BDH1: variants seen among roughly 807,000 people sequenced by gnomAD.
The protein encoded by BDH1 is 3-hydroxybutyrate dehydrogenase 1.
In BDH1, 30 loss-of-function variants were observed where a neutral mutation model predicts 33.1. That is an observed-to-expected ratio of 0.91 (90% CI 0.68 to 1.23). BDH1 has a LOEUF of 1.23. Ranked by LOEUF, BDH1 falls within the 50% of genes most tolerant of loss-of-function variation. BDH1 has a pLI of 0.00. For synonymous variants in BDH1, 190 were observed against 183.6 expected, an observed-to-expected ratio of 1.03 and a Z score of -0.28; for missense variants, 443 against 464.4, an observed-to-expected ratio of 0.95 and a Z score of 0.42.
chr3:197,541,152 A>C (rs1327060948), intron 3 of BDH1, among the ~76,000 whole-genome samples: 2 of 152,168 alleles, frequency 1.3e-5, no homozygotes, highest in Non-Finnish European at 2.9e-5. Context: ...GGAAGACCTT[A>C]CTGCCTCAGC....
intron 6 of BDH1, chr3:197,515,345 T>G: frequency 1.0e-6 from 1 of 985,692 alleles, no homozygotes; most frequent in African/African-American, 1.7e-5. Flanking sequence ...GTCTCCCTGC[T>G]CTAGGTCTCA....
intron 2 of BDH1, among the ~76,000 whole-genome samples, chr3:197,553,527 C>CAAA (rs750811753): frequency 4.1e-5 from 4 of 97,086 alleles, no homozygotes; most frequent in East Asian, 3.4e-4. Flanking sequence ...GACTCTGTCT[C>CAAA]AAAAAAAAAA....
In BDH1 at chr3:197,530,370, A is replaced by G. The variant is rs1714525906; in HGVS notation, c.267+2042T>C. ...ATCTCACTCCCAAGGAATTTACTCT[A>G]AAGATAACCAGTCTGACCAACATGG... is the stretch of plus-strand genomic sequence containing the variant. On this transcript the variant is annotated intron_variant, in intron 5 of 7. Coordinates refer to ENST00000392379, the MANE Select transcript of BDH1 (RefSeq NM_203314.3). The G allele has an allele frequency of 1.3e-5, 2 of 152,118 alleles. 1 individual carries two copies. Among genetic ancestry groups the G allele is most frequent in the South Asian group, 4.1e-4 (2 of 4,826 alleles). 9.4% of individuals were successfully genotyped at this position (152,118 alleles called of 1,614,324 possible).
At chr3:197,537,908 G>A (rs1715293230) in intron 3 of BDH1, among the ~76,000 whole-genome samples, 1 of 152,128 alleles carries the variant, frequency 6.6e-6, no homozygotes, top group Non-Finnish European at 1.5e-5. Context: ...GCAAATTTTT[G>A]TTGGGGCTTT....
chr3:197,542,521 CTTTT>C (rs71164295), intron 3 of BDH1, among the ~76,000 whole-genome samples: 1 of 106,436 alleles, frequency 9.4e-6, no homozygotes, highest in African/African-American at 4.3e-5. Flanking sequence ...TTCTTGCTTG[CTTTT>C]TTTTTTTTTT....
In BDH1 at chr3:197,510,599, G is replaced by GTGTGTGTGTGTGTGTGTGT. The variant is rs869271269; in HGVS notation, c.*1295_*1296insACACACACACACACACACA. ...CCACGCTGAAGCCCTGCAGAACAGG[G>GTGTGTGTGTGTGTGTGTGT]GTGTGTGTGTGTGTGTGTGTGTGTG... On this transcript the variant is annotated 3_prime_UTR_variant, in exon 8 of 8. Coordinates refer to ENST00000392379, the MANE Select transcript of BDH1 (RefSeq NM_203314.3). 67 of 75,374 alleles carry GTGTGTGTGTGTGTGTGTGT rather than the reference G, an allele frequency of 8.9e-4. 4 individuals carry two copies. Among genetic ancestry groups the GTGTGTGTGTGTGTGTGTGT allele is most frequent in the South Asian group, 1.2e-3 (2 of 1,632 alleles). The allele number at this position is 75,374 out of a possible 1,614,324, so 4.7% of individuals were successfully genotyped here.
At chr3:197,532,338 A>G (rs1714740606) in intron 5 of BDH1, 74 bp downstream of exon 5, 2 of 1,326,792 alleles carry the variant, frequency 1.5e-6, no homozygotes, top group Admixed American at 3.6e-5. Flanking sequence ...TTGTTAGGAA[A>G]GCACTTTTTA....
chr3:197,519,099 G>C (rs988961029), intron 6 of BDH1, among the ~76,000 whole-genome samples: 5 of 142,668 alleles, frequency 3.5e-5, no homozygotes, highest in African/African-American at 5.2e-5. Context: ...TCCTCAGGTG[G>C]ATCCCCCCAT....
At position 197,512,203 on chromosome 3, in the gene BDH1, T is replaced by A. The variant is rs2108695398; in HGVS notation, c.724A>T (p.Ile242Phe). Reference protein sequence around the residue: ...KVSVVEPGNFIAATSLYSPES... With the variant: ...KVSVVEPGNFFAATSLYSPES... ...GGGCTGTAAAGGCTGGTGGCAGCGA[T>A]GAAGTTGCCGGGCTCCACCACGCTG... is the stretch of plus-strand genomic sequence containing the variant. The change falls in exon 8 of 8, where the codon ATC (isoleucine) becomes TTC (phenylalanine). Residue 242 changes from isoleucine to phenylalanine, a missense_variant. Transcript: ENST00000392379. 6.2e-7 allele frequency: 1 copy of A among 1,614,024 alleles called. No homozygotes were observed. Among genetic ancestry groups the A allele is most frequent in the Non-Finnish European group, 8.5e-7 (1 of 1,180,008 alleles).
chr3:197,549,764 T>C (rs1382967668), intron 2 of BDH1, among the ~76,000 whole-genome samples: 3 of 152,208 alleles, frequency 2.0e-5, no homozygotes, highest in Non-Finnish European at 4.4e-5. Flanking sequence ...CTAAACATGT[T>C]CTACTTGGCT....
Position 197,521,901 on chromosome 3 carries a change from G to A in BDH1, c.409+739C>T, listed in dbSNP as rs1230020464. ...AGATTCACAAGTCTCACAATGACCA[G>A]GCCATTCCCTCAGGATGACCCCTTC... is the stretch of plus-strand genomic sequence containing the variant. On this transcript the variant is annotated intron_variant, in intron 6 of 7. Transcript: ENST00000392379. This position sits in a 1 kb window ranked among gnomAD's most constrained non-coding sequence, Gnocchi z 4.9. Among the ~76,000 whole-genome samples, 1 of 152,156 alleles carries A rather than the reference G, an allele frequency of 6.6e-6. No individual in the cohort carries two copies. Among genetic ancestry groups the A allele is most frequent in the Non-Finnish European group, 1.5e-5 (1 of 68,036 alleles).
At chr3:197,519,900 C>T in intron 6 of BDH1, among the ~76,000 whole-genome samples, 1 of 152,154 alleles carries the variant, frequency 6.6e-6, no homozygotes, top group East Asian at 1.9e-4. Context: ...CATCTCGCCC[C>T]CGTGGCTGGC....
At chr3:197,515,743 G>A in intron 6 of BDH1, 1 of 978,862 alleles carries the variant, frequency 1.0e-6, no homozygotes, top group Non-Finnish European at 1.2e-6. Context: ...ACTCTATCCT[G>A]TAATACAAAG....
chr3:197,561,178 C>T (rs1019106268), intron 1 of BDH1, among the ~76,000 whole-genome samples: 1 of 152,114 alleles, frequency 6.6e-6, no homozygotes, highest in Admixed American at 6.5e-5. Flanking sequence ...GGAGATGCCC[C>T]TGACCTTTGA....
intron 2 of BDH1, among the ~76,000 whole-genome samples, chr3:197,549,980 T>C (rs551565776): frequency 2.0e-5 from 3 of 151,318 alleles, no homozygotes; most frequent in Non-Finnish European, 4.4e-5. Flanking sequence ...AACTATTATA[T>C]ATATATTTGG....
rs1234610298 is a variant in BDH1 at position 197,514,463 on chromosome 3, C to T, written c.410-47G>A. ...GTGCATTTACCACATGGGCTTGGCC[C>T]AGACATTGCCCATCAGCCTGCAGGC... On this transcript the variant is annotated intron_variant, in intron 6 of 7. Transcript: ENST00000392379. This position sits in a 1 kb window ranked among gnomAD's most constrained non-coding sequence, Gnocchi z 4.2. The T allele has an allele frequency of 2.0e-6, 3 of 1,507,096 alleles. No individual in the cohort carries two copies. In the Admixed American group the frequency reaches 6.2e-5, roughly 31 times the overall value. 93.4% of individuals were successfully genotyped at this position (1,507,096 alleles called of 1,614,324 possible). A position where few individuals can be genotyped will look rare whatever the true frequency, so the allele number is the denominator to read the frequency against.
intron 4 of BDH1, 138 bp downstream of exon 4, chr3:197,533,351 G>A (rs1006064480): frequency 2.4e-6 from 2 of 829,744 alleles, no homozygotes; most frequent in African/African-American, 3.4e-5. Context: ...GGCTTTGGGG[G>A]AGGGTTAAGT....
intron 2 of BDH1, among the ~76,000 whole-genome samples, chr3:197,553,945 T>C (rs1445450159): frequency 1.3e-5 from 2 of 152,186 alleles, no homozygotes; most frequent in African/African-American, 2.4e-5. Flanking sequence ...TAAGCAGCCT[T>C]TCTATTCACA....
chr3:197,541,856 C>T (rs1220380394), intron 3 of BDH1, among the ~76,000 whole-genome samples: 1 of 152,162 alleles, frequency 6.6e-6, no homozygotes, highest in African/African-American at 2.4e-5. Flanking sequence ...CCCTTGAATG[C>T]CAAAGCCCCA....
Sources: gnomAD v4.1 joint callset for allele counts (sites outside exome capture counted in the v4.1 genomes callset) on GRCh38, gnomAD v4.1.1 for gene constraint, Gnocchi (gnomAD v3.1) non-coding constraint, MANE v1.5 for transcripts, NCBI Gene and HGNC (gene_info 2026-07-23, HGNC 2026-07-21) for gene names.